Variants in CREBBP observed in about 807,000 individuals in gnomAD.
The protein encoded by CREBBP is CREB binding lysine acetyltransferase.
In CREBBP, 19 loss-of-function variants were observed where a neutral mutation model predicts 265.0. The observed-to-expected ratio is 0.07, with a 90% CI of 0.05 to 0.11. CREBBP has a LOEUF of 0.11. CREBBP is among the 10% of genes least tolerant of loss of function. The pLI is 1.00. For synonymous variants in CREBBP, 1,457 were observed against 1,223.7 expected (o/e 1.19, Z -3.98); for missense variants, 2,525 against 3,219.0 (o/e 0.78, Z 5.22).
chr16:3,771,769 A>G lies in CREBBP; in HGVS notation c.2464-783T>C, dbSNP rs376140993. On this transcript the variant is annotated intron_variant, in intron 13 of 30. Coordinates refer to ENST00000262367, the MANE Select transcript of CREBBP (RefSeq NM_004380.3). ...ACAGAGTGGGATGGTGACAGAATTC[A>G]TCATGCAACTTGGAATGGCACTCAA... Among the ~76,000 whole-genome samples the G allele has an allele frequency of 2.0e-5, 3 of 151,098 alleles. No individual in the cohort carries two copies. The East Asian group carries it at 5.9e-4, about 30-fold the overall frequency.
rs1190871113 is a variant in CREBBP at position 3,728,070 on chromosome 16, T to C, written c.6977A>G (p.Gln2326Arg). The part of the protein sequence containing the change: ...PQQHMLSGQP[Q>R]ASHLPGQQIA... ...CTGCTGGCCAGGGAGATGCGAGGCC[T>C]GTGGCTGTCCTGAGAGCATGTGTTG... Residue 2326 changes from glutamine to arginine, a missense_variant, in exon 31 of 31, where the codon CAG (glutamine) becomes CGG (arginine). Gln to Arg is a conservative substitution (Grantham distance 43). Coordinates refer to ENST00000262367, the MANE Select transcript of CREBBP (RefSeq NM_004380.3). The surrounding 1 kb of genome is among the most constrained non-coding windows in gnomAD (Gnocchi z 8.7). 6 of 1,614,010 alleles carry C rather than the reference T, an allele frequency of 3.7e-6. No individual in the cohort carries two copies. The highest frequency in any genetic ancestry group is 4.2e-6 in the Non-Finnish European group (5 of 1,179,920).
At chr16:3,798,017 C>G (rs2053641169) in intron 3 of CREBBP, among the ~76,000 whole-genome samples, 1 of 152,132 alleles carries the variant, frequency 6.6e-6, no homozygotes, top group Admixed American at 6.5e-5. Context: ...TCACAAAACA[C>G]AAAGAAACGA....
intron 5 of CREBBP, among the ~76,000 whole-genome samples, chr16:3,784,861 C>T (rs575529850): frequency 1.6e-4 from 25 of 152,324 alleles, no homozygotes; most frequent in African/African-American, 5.3e-4. Flanking sequence ...AGGCCTCCCA[C>T]GGAAGCTGCT....
intron 2 of CREBBP, among the ~76,000 whole-genome samples, chr16:3,830,951 A>G (rs968342700): frequency 6.6e-6 from 1 of 152,096 alleles, no homozygotes; most frequent in African/African-American, 2.4e-5. Context: ...CCTGGCTATT[A>G]ATTTTTTTTG....
At chr16:3,829,013 C>T (rs1053347954) in intron 2 of CREBBP, among the ~76,000 whole-genome samples, 1 of 151,244 alleles carries the variant, frequency 6.6e-6, no homozygotes, top group East Asian at 1.9e-4. Flanking sequence ...CTGGATCACA[C>T]TGAAATTTTA....
chr16:3,822,952 T>C (rs1000468896), intron 2 of CREBBP, among the ~76,000 whole-genome samples: 3 of 152,202 alleles, frequency 2.0e-5, no homozygotes, highest in Non-Finnish European at 4.4e-5. Context: ...GGGAGAGGGG[T>C]GAGGTCAACA....
chr16:3,748,926 A>C (rs187069105), intron 21 of CREBBP, among the ~76,000 whole-genome samples: 2 of 152,258 alleles, frequency 1.3e-5, no homozygotes, highest in East Asian at 3.9e-4. Flanking sequence ...CAGGCACATC[A>C]CCTGAGGTCA....
intron 5 of CREBBP, among the ~76,000 whole-genome samples, chr16:3,791,737 T>C (rs752648355): frequency 5.3e-5 from 8 of 152,188 alleles, no homozygotes; most frequent in Non-Finnish European, 7.3e-5. Context: ...AGTGCATGTA[T>C]GCAGGGGGCA....
At chr16:3,735,614 G>C (rs901162181) in intron 28 of CREBBP, among the ~76,000 whole-genome samples, 1 of 152,140 alleles carries the variant, frequency 6.6e-6, no homozygotes, top group African/African-American at 2.4e-5. Flanking sequence ...GTTTTGTTTG[G>C]CTCAGTCTGC....
chr16:3,803,811 T>G (rs953862533), intron 3 of CREBBP, among the ~76,000 whole-genome samples: 24 of 151,888 alleles, frequency 1.6e-4, no homozygotes, highest in African/African-American at 5.8e-4. Context: ...CCGGGAGAGG[T>G]GGCTCACACC....
At chr16:3,763,602 T>G (rs1170637415) in intron 16 of CREBBP, among the ~76,000 whole-genome samples, 3 of 151,914 alleles carry the variant, frequency 2.0e-5, no homozygotes, top group Non-Finnish European at 4.4e-5. Flanking sequence ...TAGTTGGGAT[T>G]ACAGGCATGC....
chr16:3,798,021 G>A (rs948908714), intron 3 of CREBBP, among the ~76,000 whole-genome samples: 1 of 152,072 alleles, frequency 6.6e-6, no homozygotes, highest in African/African-American at 2.4e-5. Flanking sequence ...AAAACACAAA[G>A]AAACGACAAA....
At position 3,728,255 on chromosome 16, in the gene CREBBP, C is replaced by T. The variant is rs2151301439; in HGVS notation, c.6792G>A (p.Met2264Ile). 6.2e-7 allele frequency: 1 copy of T among 1,612,754 alleles called. No individual in the cohort carries two copies. The highest frequency in any genetic ancestry group is 8.5e-7 in the Non-Finnish European group (1 of 1,179,782). ...GGCCAAGCTGTCCCATCTGAGCCGCCATCTGGCCCATGGAGCTGCCCTGGA... is the reference window on the plus strand; with the variant it reads ...GGCCAAGCTGTCCCATCTGAGCCGCTATCTGGCCCATGGAGCTGCCCTGGA... ...LPLQGSSMGQ[M>I]AAQMGQLGQM... Residue 2264 changes from methionine (M) to isoleucine (I), a missense_variant, in exon 31 of 31, where the codon ATG becomes ATA. Around this residue, in one of 19 missense-constraint regions of CREBBP, gnomAD observed 473 missense variants for 459.3 expected, o/e 1.03. Transcript: ENST00000262367. This position sits in a 1 kb window ranked among gnomAD's most constrained non-coding sequence, Gnocchi z 8.7.
intron 2 of CREBBP, among the ~76,000 whole-genome samples, chr16:3,844,073 G>A (rs111971962): frequency 7.1e-4 from 104 of 147,154 alleles, no homozygotes; most frequent in African/African-American, 2.2e-3. Flanking sequence ...GCGTGAACCC[G>A]GGAGGCGGAG....
At chr16:3,761,515 C>T (rs1388262952) in intron 16 of CREBBP, 1 of 518,268 alleles carries the variant, frequency 1.9e-6, no homozygotes, top group Admixed American at 1.9e-5. Flanking sequence ...GAGATGAAAA[C>T]AGGCGCACCA....
intron 1 of CREBBP, among the ~76,000 whole-genome samples, chr16:3,866,273 T>C (rs1384613479): frequency 1.3e-5 from 2 of 152,188 alleles, no homozygotes; most frequent in Non-Finnish European, 2.9e-5. Flanking sequence ...ACTCAAAAAT[T>C]AGTTGGCTGT....
chr16:3,876,633 C>G (rs1198356872), intron 1 of CREBBP, among the ~76,000 whole-genome samples: 1 of 152,040 alleles, frequency 6.6e-6, no homozygotes, highest in African/African-American at 2.4e-5. Context: ...AAAGGAAGAC[C>G]TCATGTATGA....
chr16:3,835,178 C>T (rs2054420294), intron 2 of CREBBP, among the ~76,000 whole-genome samples: 1 of 151,716 alleles, frequency 6.6e-6, no homozygotes, highest in African/African-American at 2.4e-5. Context: ...ACAAAACAAA[C>T]AAACAAAAAA....
intron 1 of CREBBP, among the ~76,000 whole-genome samples, chr16:3,869,913 T>A (rs1887444388): frequency 6.6e-6 from 1 of 151,878 alleles, no homozygotes; most frequent in Admixed American, 6.5e-5. Context: ...AATGATTCCC[T>A]CAGAGACTTC....
Sources: allele counts gnomAD v4.1 joint callset (sites outside exome capture counted in the v4.1 genomes callset), GRCh38; gene constraint gnomAD v4.1.1; regional missense constraint gnomAD v4.1.1; non-coding constraint Gnocchi (gnomAD v3.1); transcripts MANE v1.5; gene names NCBI Gene and HGNC (gene_info 2026-07-23, HGNC 2026-07-21).